The following RGL1 variants were observed in gnomAD, a reference collection of about 807,000 sequenced individuals.
RGL1 encodes ral guanine nucleotide dissociation stimulator-like 1.
Under a neutral mutation model 95.2 loss-of-function variants are expected in RGL1, and 24 were observed. The observed-to-expected ratio is 0.25, with a 90% confidence interval of 0.18 to 0.35. The LOEUF (loss-of-function observed/expected upper bound fraction) is 0.35. Among genes scored for constraint, RGL1 ranks in the 10% least tolerant of loss-of-function variants. The pLI is 1.00. For synonymous variants in RGL1, 329 were observed against 344.9 expected (o/e 0.95, Z 0.51); for missense variants, 715 against 936.3 (o/e 0.76, Z 3.08).
chr1:183,701,460 AGGT>A (rs1329043264), intron 1 of RGL1, among the ~76,000 whole-genome samples: 1 of 152,132 alleles, frequency 6.6e-6, no homozygotes, highest in Non-Finnish European at 1.5e-5. Flanking sequence ...AGTAGGACAG[AGGT>A]GTATGGTCTA....
intron 2 of RGL1, among the ~76,000 whole-genome samples, chr1:183,773,386 T>G (rs992960662): frequency 2.0e-5 from 3 of 152,248 alleles, no homozygotes; most frequent in African/African-American, 7.2e-5. Context: ...AGATGTTTGT[T>G]GAATGAATGG....
At chr1:183,871,990 G>C (rs1376270243) in intron 4 of RGL1, among the ~76,000 whole-genome samples, 1 of 152,090 alleles carries the variant, frequency 6.6e-6, no homozygotes, top group African/African-American at 2.4e-5. Flanking sequence ...ATTATATAAG[G>C]TGTGCCACAT....
At chr1:183,827,214 C>T (rs1662927603) in intron 2 of RGL1, among the ~76,000 whole-genome samples, 1 of 152,222 alleles carries the variant, frequency 6.6e-6, no homozygotes, top group Non-Finnish European at 1.5e-5. Flanking sequence ...TGAGCCACTG[C>T]ATCCGGCCGT....
intron 7 of RGL1, among the ~76,000 whole-genome samples, chr1:183,887,765 C>G (rs74133020): frequency 2.0e-5 from 3 of 152,160 alleles, no homozygotes; most frequent in African/African-American, 7.2e-5. Flanking sequence ...TCTCCTTACC[C>G]AGAAAATGGC....
intron 1 of RGL1, among the ~76,000 whole-genome samples, chr1:183,740,758 A>G (rs1171560990): frequency 6.6e-6 from 1 of 152,210 alleles, no homozygotes; most frequent in African/African-American, 2.4e-5. Context: ...TGACTTTTAC[A>G]TCTGTTACTT....
At chr1:183,801,945 C>G (rs569969874), upstream of RGL1, among the ~76,000 whole-genome samples, 4 of 152,328 alleles carry the variant, frequency 2.6e-5, no homozygotes, top group Non-Finnish European at 4.4e-5. Flanking sequence ...ATGATCCAGA[C>G]ACCTCCCATT....
chr1:183,793,035 A>C (rs1660511130), intron 2 of RGL1, among the ~76,000 whole-genome samples: 1 of 152,210 alleles, frequency 6.6e-6, no homozygotes, highest in African/African-American at 2.4e-5. Flanking sequence ...CTGACTTTGA[A>C]ATATACTACA....
intron 1 of RGL1, among the ~76,000 whole-genome samples, chr1:183,642,653 TCCTTA>T (rs1483131638): frequency 6.6e-6 from 1 of 152,234 alleles, no homozygotes; most frequent in Non-Finnish European, 1.5e-5. Flanking sequence ...CTGTGAACTT[TCCTTA>T]CCTTATCTCT....
intron 2 of RGL1, among the ~76,000 whole-genome samples, chr1:183,790,225 G>C (rs1321993349): frequency 6.6e-6 from 1 of 151,878 alleles, no homozygotes; most frequent in Non-Finnish European, 1.5e-5. Context: ...CTGTGCCTGG[G>C]CTCCAGGCTT....
chr1:183,718,161 G>A (rs951096628), intron 1 of RGL1, among the ~76,000 whole-genome samples: 18 of 151,082 alleles, frequency 1.2e-4, no homozygotes, highest in Non-Finnish European at 2.1e-4. Context: ...CAGGAGAATC[G>A]CTTGAACCTG....
chr1:183,893,467 A>G (rs1667532936), intron 9 of RGL1, among the ~76,000 whole-genome samples: 1 of 152,226 alleles, frequency 6.6e-6, no homozygotes, highest in Admixed American at 6.5e-5. Context: ...CAAAGTATGC[A>G]TAACAAATGA....
At chr1:183,692,426 G>A (rs1654002044) in intron 1 of RGL1, among the ~76,000 whole-genome samples, 1 of 152,176 alleles carries the variant, frequency 6.6e-6, no homozygotes, top group East Asian at 1.9e-4. Flanking sequence ...AAATGAGGCT[G>A]ATTAAAGGGC....
At chr1:183,681,658 A>C (rs1653222298) in intron 1 of RGL1, among the ~76,000 whole-genome samples, 1 of 152,044 alleles carries the variant, frequency 6.6e-6, no homozygotes, top group Non-Finnish European at 1.5e-5. Flanking sequence ...TGTCTCTGCC[A>C]GGCGTTGGTA....
chr1:183,664,609 C>T (rs1223328227), intron 1 of RGL1, among the ~76,000 whole-genome samples: 2 of 151,184 alleles, frequency 1.3e-5, no homozygotes, highest in Non-Finnish European at 2.9e-5. Context: ...CCTGCTATCG[C>T]ATCCTACTTT....
Position 183,656,438 on chromosome 1 carries a change from C to G in RGL1, c.-33+19937C>G, listed in dbSNP as rs541757761. 3.3e-5 allele frequency among the ~76,000 whole-genome samples: 5 copies of G among 152,350 alleles called. No homozygotes were observed. In the East Asian group the frequency reaches 9.6e-4, roughly 29 times the overall value. On this transcript the variant is annotated intron_variant, in intron 1 of 18. Coordinates refer to the RGL1 transcript ENST00000304685. ...TCGTACTCAGCGAATTGTAACCTAA[C>G]TGGAATGTAAATAGACTGTAACCTA...
At position 183,926,170 on chromosome 1, in the gene RGL1, A is replaced by G. The variant is rs1440095385; in HGVS notation, c.2185A>G (p.Ile729Val). The change falls in exon 18 of 18, where the codon ATT becomes GTT. Residue 729 changes from isoleucine to valine, a missense_variant. Ile to Val is a conservative substitution (Grantham distance 29, BLOSUM62 3). Around this residue, in one of 3 missense-constraint regions of RGL1, gnomAD observed 330 missense variants for 429.6 expected, o/e 0.77. Transcript: ENST00000360851. The part of the protein sequence containing the change: ...AMNSQVNFDF[I>V]LRKKNSMEEQ... Reference sequence around the variant, plus strand: ...GAACAGCCAAGTGAACTTTGACTTCATTTTGCGCAAAAAGAACTCCATGGA... The same window carrying G: ...GAACAGCCAAGTGAACTTTGACTTCGTTTTGCGCAAAAAGAACTCCATGGA... The G allele has an allele frequency of 6.2e-7, 1 of 1,614,134 alleles. No homozygotes were observed. The highest frequency in any genetic ancestry group is 2.2e-5 in the East Asian group (1 of 44,884).
intron 1 of RGL1, among the ~76,000 whole-genome samples, chr1:183,709,096 G>A (rs1339198210): frequency 6.6e-6 from 1 of 152,196 alleles, no homozygotes; most frequent in African/African-American, 2.4e-5. Flanking sequence ...TCAGTCTGAT[G>A]TAACTGCTAC....
At chr1:183,829,179 G>A (rs1663085786) in intron 2 of RGL1, among the ~76,000 whole-genome samples, 1 of 152,116 alleles carries the variant, frequency 6.6e-6, no homozygotes, top group African/African-American at 2.4e-5. Context: ...AGGCATGGTG[G>A]CTCATGCCTG....
intron 2 of RGL1, among the ~76,000 whole-genome samples, chr1:183,843,410 A>G (rs535386203): frequency 1.3e-5 from 2 of 152,284 alleles, no homozygotes; most frequent in South Asian, 4.1e-4. Flanking sequence ...TCCGAGTAAG[A>G]AAGTACTGAA....
Sources: allele counts gnomAD v4.1 joint callset (sites outside exome capture counted in the v4.1 genomes callset), GRCh38; gene constraint gnomAD v4.1.1; regional missense constraint gnomAD v4.1.1; transcripts MANE v1.5; gene names NCBI Gene and HGNC (gene_info 2026-07-23, HGNC 2026-07-21).